CDKAL1: variants seen among roughly 807,000 people sequenced by gnomAD.
CDKAL1 encodes the protein CDKAL1 threonylcarbamoyladenosine tRNA methylthiotransferase.
Under a neutral mutation model 68.2 loss-of-function variants are expected in CDKAL1, and 32 were observed. The ratio of observed to expected loss-of-function variants is 0.47; its 90% CI spans 0.35 to 0.63. The LOEUF is 0.63. Ranked by LOEUF, CDKAL1 falls within the 30% of genes least tolerant of loss-of-function variation. CDKAL1 has a pLI of 0.00. For synonymous variants in CDKAL1, 234 were observed against 244.3 expected (o/e 0.96, Z 0.39); for missense variants, 606 against 696.7 (o/e 0.87, Z 1.47).
intron 8 of CDKAL1, among the ~76,000 whole-genome samples, chr6:20,792,226 G>A (rs927519495): frequency 3.9e-5 from 6 of 152,138 alleles, no homozygotes; most frequent in African/African-American, 1.4e-4. Flanking sequence ...AAAGGCAATA[G>A]TGCATGTAGT....
intron 8 of CDKAL1, among the ~76,000 whole-genome samples, chr6:20,799,040 G>GTT (rs754008816): frequency 0.062 from 2,935 of 47,224 alleles, 825 homozygotes; most frequent in East Asian, 0.2. Flanking sequence ...AAAGAACTGA[G>GTT]TTTTTTTTTT....
At chr6:21,078,886 G>A (rs937858064) in intron 12 of CDKAL1, among the ~76,000 whole-genome samples, 23 of 152,238 alleles carry the variant, frequency 1.5e-4, no homozygotes, top group African/African-American at 5.5e-4. Context: ...TGTATAACTG[G>A]TTTTGAGAAA....
chr6:20,736,365 C>A (rs775588930), intron 5 of CDKAL1, among the ~76,000 whole-genome samples: 1 of 152,166 alleles, frequency 6.6e-6, no homozygotes, highest in Non-Finnish European at 1.5e-5. Context: ...AGTTTGCTGA[C>A]CCCTACTTTA....
intron 4 of CDKAL1, among the ~76,000 whole-genome samples, chr6:20,613,249 C>CTTTTTTTTTTTTTTTTTTTTTTTTTT (rs71559677): frequency 3.9e-5 from 3 of 77,866 alleles, no homozygotes; most frequent in South Asian, 4.2e-4. Flanking sequence ...AAATTTCTTT[C>CTTTTTTTTTTTTTTTTTTTTTTTTTT]TTTTTTTTTT....
chr6:20,575,441 C>CAAAAAAAAA (rs57442477), intron 4 of CDKAL1, among the ~76,000 whole-genome samples: 5 of 94,332 alleles, frequency 5.3e-5, no homozygotes, highest in East Asian at 3.1e-4. Context: ...AGGGGCACCA[C>CAAAAAAAAA]AAAAAAAAAA....
intron 9 of CDKAL1, among the ~76,000 whole-genome samples, chr6:20,900,721 T>C (rs1250847337): frequency 2.0e-5 from 3 of 152,342 alleles, no homozygotes; most frequent in African/African-American, 7.2e-5. Flanking sequence ...AATGGACTTC[T>C]TGGTAAAGGA....
intron 8 of CDKAL1, among the ~76,000 whole-genome samples, chr6:20,782,104 C>A (rs563769820): frequency 1.3e-5 from 2 of 152,300 alleles, no homozygotes; most frequent in South Asian, 4.1e-4. Flanking sequence ...CTGCCTGTTT[C>A]TCTGAATCCA....
intron 5 of CDKAL1, among the ~76,000 whole-genome samples, chr6:20,686,084 G>GT (rs34987372): frequency 0.013 from 1,843 of 143,394 alleles, 38 homozygotes; most frequent in African/African-American, 0.043. Context: ...TTGTTTTAAG[G>GT]TTTTTTTTTT....
In CDKAL1 at chr6:20,560,007, TGA is replaced by T. The variant is rs553500099; in HGVS notation, c.286+11305_286+11306del. ...TTTAATTTTGGGGAGAAAAAACTTC[TGA>T]GATGTTAACAATTGAACATGTAGTG... is the stretch of plus-strand genomic sequence containing the variant. On this transcript the variant is annotated intron_variant, in intron 4 of 15. Transcript: ENST00000274695. 2.4e-3 allele frequency among the ~76,000 whole-genome samples: 363 copies of T among 152,314 alleles called. 1 individual carries two copies. The highest frequency in any genetic ancestry group is 8.4e-3 in the African/African-American group (348 of 41,584).
chr6:20,670,403 T>G (rs1286882803), intron 5 of CDKAL1, among the ~76,000 whole-genome samples: 3 of 152,200 alleles, frequency 2.0e-5, no homozygotes, highest in African/African-American at 7.2e-5. Flanking sequence ...AAAGTCAGAA[T>G]GATATTAAAT....
chr6:21,168,264 G>A (rs1391069792), intron 13 of CDKAL1, among the ~76,000 whole-genome samples: 1 of 152,182 alleles, frequency 6.6e-6, no homozygotes, highest in Non-Finnish European at 1.5e-5. Context: ...CTGAGAACCA[G>A]ATCCAAAGCA....
At chr6:20,893,039 C>A (rs1217430970) in intron 9 of CDKAL1, among the ~76,000 whole-genome samples, 1 of 152,132 alleles carries the variant, frequency 6.6e-6, no homozygotes, top group Non-Finnish European at 1.5e-5. Flanking sequence ...CCTGCCTTAC[C>A]TCAGGTAAGT....
At chr6:20,777,975 A>T (rs1775247861) in intron 7 of CDKAL1, among the ~76,000 whole-genome samples, 1 of 152,254 alleles carries the variant, frequency 6.6e-6, no homozygotes. Flanking sequence ...GAATCTGTGG[A>T]AAGCAAAACC....
chr6:20,829,606 A>G (rs563803603), intron 8 of CDKAL1, among the ~76,000 whole-genome samples: 1 of 152,362 alleles, frequency 6.6e-6, no homozygotes, highest in East Asian at 1.9e-4. Flanking sequence ...TCTTGTGTGC[A>G]GGAATCTTGA....
intron 8 of CDKAL1, among the ~76,000 whole-genome samples, chr6:20,844,676 C>T (rs1778304540): frequency 8.0e-6 from 1 of 124,474 alleles, no homozygotes; most frequent in Non-Finnish European, 1.6e-5. Flanking sequence ...ATAGCGAGAC[C>T]CCGTTTCTAT....
At chr6:20,707,869 A>G (rs1164988786) in intron 5 of CDKAL1, among the ~76,000 whole-genome samples, 1 of 152,184 alleles carries the variant, frequency 6.6e-6, no homozygotes, top group Non-Finnish European at 1.5e-5. Flanking sequence ...TACGTTTTAG[A>G]AGGGCTTTGA....
At chr6:21,034,516 A>G (rs12198160) in intron 11 of CDKAL1, among the ~76,000 whole-genome samples, 18,554 of 152,298 alleles carry the variant, frequency 0.12, 1,425 homozygotes, top group Middle Eastern at 0.18. Context: ...AGCAGCTCAT[A>G]GATCAGCTGG....
chr6:20,892,087 AAAAAGTTGAACTTAAAT>A (rs1314761640), intron 9 of CDKAL1, among the ~76,000 whole-genome samples: 5 of 152,178 alleles, frequency 3.3e-5, no homozygotes, highest in African/African-American at 1.2e-4. Flanking sequence ...AAATCTTACC[AAAAAGTTGAACTTAAAT>A]TTGGTTAAGG....
chr6:20,958,980 G>A (rs1387508093), intron 10 of CDKAL1, among the ~76,000 whole-genome samples: 2 of 152,104 alleles, frequency 1.3e-5, no homozygotes, highest in Admixed American at 1.3e-4. Context: ...AGTATGCCGG[G>A]GAAAGATACA....
Sources: allele counts gnomAD v4.1 joint callset (sites outside exome capture counted in the v4.1 genomes callset), GRCh38; gene constraint gnomAD v4.1.1; transcripts MANE v1.5; gene names NCBI Gene and HGNC (gene_info 2026-07-23, HGNC 2026-07-21).